ESF1: variants seen among roughly 807,000 people sequenced by gnomAD.
The protein encoded by ESF1 is ESF1 homolog.
Under a neutral mutation model 92.0 loss-of-function variants are expected in ESF1, and 58 were observed. The observed-to-expected ratio is 0.63, with a 90% confidence interval of 0.51 to 0.78. The LOEUF (loss-of-function observed/expected upper bound fraction) is 0.78. ESF1 is among the 30% of genes least tolerant of loss of function. The pLI is 0.00. For missense variants in ESF1, 922 were observed against 989.1 expected, an observed-to-expected ratio of 0.93 and a Z score of 0.91; for synonymous variants, 321 against 313.7, an observed-to-expected ratio of 1.02 and a Z score of -0.24.
intron 9 of ESF1, among the ~76,000 whole-genome samples, chr20:13,752,700 T>C (rs1978695295): frequency 1.3e-5 from 2 of 152,322 alleles, no homozygotes; most frequent in African/African-American, 4.8e-5. Flanking sequence ...CATATGCATG[T>C]CACTGATGTC....
intron 2 of ESF1, 82 bp downstream of exon 2, chr20:13,782,419 CTTA>C (rs1435281088): frequency 7.8e-6 from 9 of 1,154,548 alleles, no homozygotes; most frequent in Non-Finnish European, 9.4e-6. Context: ...TATGAAAATA[CTTA>C]TTAATGTGTT....
In ESF1 at chr20:13,733,570, A is replaced by G. The variant is rs141161714; in HGVS notation, c.1950+151T>C. On this transcript the variant is annotated intron_variant, in intron 10 of 13. Coordinates refer to ENST00000617257, the MANE Select transcript of ESF1 (RefSeq NM_001276380.2). ...TGGCCATGATGAAAAAACTTTCTGC[A>G]TTCTCACTTTCCTCTTTCTTAAAAT... is the stretch of plus-strand genomic sequence containing the variant. 2,238 of 846,560 alleles carry G rather than the reference A, an allele frequency of 2.6e-3. 4 individuals are homozygous for G. The highest frequency in any genetic ancestry group is 3.4e-3 in the Non-Finnish European group (1,988 of 577,248). 52.4% of individuals were successfully genotyped at this position (846,560 alleles called of 1,614,324 possible).
At chr20:13,719,339 A>T (rs1041789651) in intron 11 of ESF1, among the ~76,000 whole-genome samples, 2 of 152,166 alleles carry the variant, frequency 1.3e-5, no homozygotes, top group African/African-American at 4.8e-5. Context: ...TTCATAATAA[A>T]AGTAGTATAC....
chr20:13,742,307 C>T (rs181286466), intron 9 of ESF1, among the ~76,000 whole-genome samples: 2 of 152,150 alleles, frequency 1.3e-5, no homozygotes. Context: ...CCCGTCTCTA[C>T]TAAAAATACA....
intron 10 of ESF1, among the ~76,000 whole-genome samples, chr20:13,730,671 A>G (rs1600269646): frequency 6.6e-6 from 1 of 150,932 alleles, no homozygotes; most frequent in Non-Finnish European, 1.5e-5. Flanking sequence ...AGCATGAGCC[A>G]CCGCACCCAG....
At chr20:13,730,470 A>G (rs1600269465) in intron 10 of ESF1, among the ~76,000 whole-genome samples, 1 of 137,942 alleles carries the variant, frequency 7.2e-6, no homozygotes, top group South Asian at 2.3e-4. Context: ...TGCACGCTCC[A>G]CCTCCCGGAT....
chr20:13,772,405 A>C, intron 5 of ESF1, 110 bp downstream of exon 5: 1 of 769,242 alleles, frequency 1.3e-6, no homozygotes, highest in Non-Finnish European at 2.2e-6. Flanking sequence ...TGTTTTAACC[A>C]CGAATGGCAC....
chr20:13,728,271 A>T, intron 11 of ESF1, 107 bp downstream of exon 11: 2 of 801,990 alleles, frequency 2.5e-6, no homozygotes, highest in Non-Finnish European at 4.0e-6. Flanking sequence ...TAAGGGAGCT[A>T]CACAAATACT....
chr20:13,783,077 A>C lies in ESF1; in HGVS notation c.64T>G (p.Phe22Val). 6.2e-7 allele frequency: 1 copy of C among 1,613,704 alleles called. No homozygotes were observed. Among genetic ancestry groups the C allele is most frequent in the Middle Eastern group, 1.7e-4 (1 of 5,790 alleles). ...RFRRVAKDPRFWEMPEKDRKV... is the reference protein window; with the variant it reads ...RFRRVAKDPRVWEMPEKDRKV... ...CGATCCTTTTCTGGCATTTCCCAAA[A>C]TCTCGGGTCCTTTGCAACCCGTCTA... Residue 22 changes from phenylalanine (F) to valine (V), a missense_variant, in exon 2 of 14, where the codon TTT (phenylalanine) becomes GTT (valine). Physicochemically the swap from Phe to Val is conservative, Grantham distance 50 (BLOSUM62 -1). Coordinates refer to ENST00000617257, the MANE Select transcript of ESF1 (RefSeq NM_001276380.2).
chr20:13,747,261 T>TAA (rs34422643), intron 9 of ESF1, among the ~76,000 whole-genome samples: 1 of 145,364 alleles, frequency 6.9e-6, no homozygotes, highest in Admixed American at 6.8e-5. Flanking sequence ...AGTTGTATAT[T>TAA]AAAAAAAAAA....
chr20:13,748,592 A>ATATATT (rs1331098586), intron 9 of ESF1, among the ~76,000 whole-genome samples: 3 of 95,724 alleles, frequency 3.1e-5, no homozygotes, highest in African/African-American at 1.9e-4. Flanking sequence ...ATATATATAT[A>ATATATT]TTTTTTTTTT....
In ESF1 at chr20:13,747,932, C is replaced by G. The variant is rs73612310; in HGVS notation, c.1828+11760G>C. 1.3e-4 allele frequency among the ~76,000 whole-genome samples: 20 copies of G among 152,280 alleles called. 1 individual carries two copies. The East Asian group carries it at 3.5e-3, about 26-fold the overall frequency. ...GCTCCTAGGCTACAAACCTGTACAG[C>G]ATGTTACTATACTGAATGCTGTAGG... On this transcript the variant is annotated intron_variant, in intron 9 of 13. Transcript: ENST00000617257.
chr20:13,776,329 T>C, intron 2 of ESF1, 59 bp from the exon 3 acceptor site: 1 of 1,472,440 alleles, frequency 6.8e-7, no homozygotes, highest in Non-Finnish European at 9.1e-7. Context: ...TTAAACTGAA[T>C]CCAAATTATC....
intron 2 of ESF1, among the ~76,000 whole-genome samples, chr20:13,779,038 C>T (rs1268931076): frequency 1.3e-5 from 2 of 151,878 alleles, no homozygotes; most frequent in Non-Finnish European, 1.5e-5. Flanking sequence ...AGAGCGAGAC[C>T]CTGTCTCCAA....
At chr20:13,749,647 C>A (rs1278336132) in intron 9 of ESF1, among the ~76,000 whole-genome samples, 1 of 152,102 alleles carries the variant, frequency 6.6e-6, no homozygotes, top group Non-Finnish European at 1.5e-5. Flanking sequence ...CTCACTGCAA[C>A]CTCCACTTGC....
intron 2 of ESF1, among the ~76,000 whole-genome samples, chr20:13,780,701 T>C (rs1311090075): frequency 6.6e-6 from 1 of 151,972 alleles, no homozygotes; most frequent in Admixed American, 6.5e-5. Flanking sequence ...AGACCCCTCC[T>C]TGGATCCTGT....
chr20:13,732,050 G>T lies in ESF1; in HGVS notation c.1950+1671C>A, dbSNP rs184669990. 1.1e-4 allele frequency among the ~76,000 whole-genome samples: 17 copies of T among 152,338 alleles called. 1 individual carries two copies. The East Asian group carries it at 3.3e-3, about 29-fold the overall frequency. ...TTCCCTAAGGTCTGTGGCCACTCCA[G>T]CAAATTAATTGAACCTAAAGAGGGG... On this transcript the variant is annotated intron_variant, in intron 10 of 13. Coordinates refer to ENST00000617257, the MANE Select transcript of ESF1 (RefSeq NM_001276380.2).
intron 9 of ESF1, among the ~76,000 whole-genome samples, chr20:13,756,133 T>C (rs1299948847): frequency 1.3e-5 from 2 of 152,232 alleles, no homozygotes; most frequent in Admixed American, 1.3e-4. Context: ...TTGTAGTTTA[T>C]AACGTTTGTA....
chr20:13,742,517 C>T (rs1239202028), intron 9 of ESF1, among the ~76,000 whole-genome samples: 1 of 151,924 alleles, frequency 6.6e-6, no homozygotes, highest in Non-Finnish European at 1.5e-5. Flanking sequence ...TATGACTCAG[C>T]AATTATACTC....
Sources: gnomAD v4.1 joint callset for allele counts (sites outside exome capture counted in the v4.1 genomes callset) on GRCh38, gnomAD v4.1.1 for gene constraint, MANE v1.5 for transcripts, NCBI Gene and HGNC (gene_info 2026-07-23, HGNC 2026-07-21) for gene names.